Variants in THRAP3 observed in about 807,000 individuals in gnomAD.
THRAP3 encodes thyroid hormone receptor associated protein 3.
Under a neutral mutation model 101.0 loss-of-function variants are expected in THRAP3, and 16 were observed. That is an observed-to-expected ratio of 0.16 (90% CI 0.11 to 0.24). The LOEUF is 0.24. Ranked by LOEUF, THRAP3 falls within the 10% of genes least tolerant of loss-of-function variation. The pLI is 1.00. For missense variants in THRAP3, 989 were observed against 1,202.7 expected (o/e 0.82, Z 2.63); for synonymous variants, 407 against 422.6 (o/e 0.96, Z 0.45).
Position 36,291,296 on chromosome 1 carries a change from CA to C in THRAP3, c.1746-72del, listed in dbSNP as rs1371449653. 2.8e-6 allele frequency: 4 copies of C among 1,441,970 alleles called. No individual in the cohort carries two copies. The African/African-American group carries it at 4.3e-5, about 15-fold the overall frequency. The allele number at this position is 1,441,970 out of a possible 1,614,324, so 89.3% of individuals were successfully genotyped here. ...GTTTATAGATAGATTTAAAACTCTT[CA>C]AAAAAGTATTTTTATGGTTTTAATG... is the stretch of plus-strand genomic sequence containing the variant. On this transcript the variant is annotated intron_variant, in intron 5 of 11. Coordinates refer to ENST00000354618, the MANE Select transcript of THRAP3 (RefSeq NM_005119.4).
Position 36,304,173 on chromosome 1 carries a change from C to T in THRAP3, c.*156C>T, listed in dbSNP as rs532088612. 480 of 1,188,626 alleles carry T rather than the reference C, an allele frequency of 4.0e-4. 7 individuals are homozygous for T. In the South Asian group the frequency reaches 8.5e-3, roughly 21 times the overall value. 73.6% of individuals were successfully genotyped at this position (1,188,626 alleles called of 1,614,324 possible). ...GTACTACCGCGAGAGGCATCCCTGG[C>T]GCTGTCTCCCACTGGACAGAGGAGG... On this transcript the variant is annotated 3_prime_UTR_variant, in exon 12 of 12. Transcript: ENST00000354618.
intron 8 of THRAP3, among the ~76,000 whole-genome samples, chr1:36,294,705 G>A (rs914261437): frequency 5.3e-5 from 8 of 152,214 alleles, no homozygotes; most frequent in South Asian, 2.1e-4. Flanking sequence ...TCTCCCACCC[G>A]TCTTTCCTCC....
rs1645461267 is a variant in THRAP3, at chr1:36,262,706, T to A, written c.-32+3222T>A. Among the ~76,000 whole-genome samples the A allele has an allele frequency of 2.0e-5, 3 of 152,156 alleles. No homozygotes were observed. In the South Asian group the frequency reaches 6.2e-4, roughly 31 times the overall value. The stretch of plus-strand genomic sequence containing the variant: ...TGATGGATGGATATTTTTTTAAAGT[T>A]CTGTAGGTGATTACAGTATTTATCA... On this transcript the variant is annotated intron_variant, in intron 2 of 11. Transcript: ENST00000354618.
intron 1 of THRAP3, among the ~76,000 whole-genome samples, chr1:36,250,276 C>T (rs931155183): frequency 6.7e-6 from 1 of 150,200 alleles, no homozygotes; most frequent in Non-Finnish European, 1.5e-5. Flanking sequence ...GGCAGTGGCG[C>T]GATCTCAGCT....
Position 36,304,243 on chromosome 1 carries a change from A to G in THRAP3, c.*226A>G. 4.1e-6 allele frequency: 2 copies of G among 483,560 alleles called. No homozygotes were observed. The allele number at this position is 483,560 out of a possible 1,614,324, so 30.0% of individuals were successfully genotyped here. ...GTCAGGCCCAGCTTTTGAGCAGAATACAACGCATTGGGCTTTAGCTGTTTT... is the reference window on the plus strand; with the variant it reads ...GTCAGGCCCAGCTTTTGAGCAGAATGCAACGCATTGGGCTTTAGCTGTTTT... On this transcript the variant is annotated 3_prime_UTR_variant, in exon 12 of 12. Transcript: ENST00000354618.
chr1:36,240,146 T>C (rs1645138286), intron 1 of THRAP3, among the ~76,000 whole-genome samples: 1 of 152,024 alleles, frequency 6.6e-6, no homozygotes, highest in Non-Finnish European at 1.5e-5. Context: ...TAAATAAAAG[T>C]GAGTTTATTA....
chr1:36,237,955 G>A (rs920972941), intron 1 of THRAP3, among the ~76,000 whole-genome samples: 1 of 152,112 alleles, frequency 6.6e-6, no homozygotes, highest in African/African-American at 2.4e-5. Flanking sequence ...CTGAGTAACT[G>A]GGACTGCAGG....
At chr1:36,287,357 A>G in intron 4 of THRAP3, 87 bp downstream of exon 4, 1 of 1,437,654 alleles carries the variant, frequency 7.0e-7, no homozygotes, top group South Asian at 1.5e-5. Context: ...TAGAGCTCTG[A>G]TTAATGGTAA....
At chr1:36,264,945 A>G (rs1406827328) in intron 2 of THRAP3, among the ~76,000 whole-genome samples, 2 of 152,184 alleles carry the variant, frequency 1.3e-5, no homozygotes, top group African/African-American at 4.8e-5. Context: ...GAGCCATGAC[A>G]GAAGGATCTG....
At chr1:36,284,361 G>A (rs947749017) in intron 3 of THRAP3, among the ~76,000 whole-genome samples, 1 of 152,174 alleles carries the variant, frequency 6.6e-6, no homozygotes, top group African/African-American at 2.4e-5. Flanking sequence ...CTTTTCTGGA[G>A]GAATTTCTCC....
chr1:36,219,941 C>T (rs377395790), upstream of THRAP3, among the ~76,000 whole-genome samples: 3 of 152,134 alleles, frequency 2.0e-5, no homozygotes, highest in Non-Finnish European at 4.4e-5. Flanking sequence ...TTAAGAATTA[C>T]GCTAAATCTA....
chr1:36,237,156 C>G (rs937855750), intron 1 of THRAP3, among the ~76,000 whole-genome samples: 21 of 150,930 alleles, frequency 1.4e-4, no homozygotes, highest in Non-Finnish European at 2.9e-5. Context: ...GAGTGAAACT[C>G]CATCTCAAAA....
At chr1:36,268,461 T>C (rs1163311115) in intron 2 of THRAP3, among the ~76,000 whole-genome samples, 1 of 152,188 alleles carries the variant, frequency 6.6e-6, no homozygotes, top group East Asian at 1.9e-4. Flanking sequence ...CATTCCTTAA[T>C]TGCTGTACTT....
At chr1:36,228,790 C>G (rs1432650276) in intron 1 of THRAP3, among the ~76,000 whole-genome samples, 1 of 152,026 alleles carries the variant, frequency 6.6e-6, no homozygotes, top group East Asian at 1.9e-4. Flanking sequence ...GTTAGAGTTT[C>G]AAAAAAGTTA....
At chr1:36,220,425 C>T (rs1487773416), upstream of THRAP3, among the ~76,000 whole-genome samples, 1 of 152,150 alleles carries the variant, frequency 6.6e-6, no homozygotes, top group African/African-American at 2.4e-5. Context: ...CCCATAATCC[C>T]AGCACTTTGG....
At chr1:36,278,932 AT>A (rs1296327812) in intron 2 of THRAP3, among the ~76,000 whole-genome samples, 81 of 152,094 alleles carry the variant, frequency 5.3e-4, no homozygotes, top group African/African-American at 1.9e-3. Context: ...TCAAAAAAAA[AT>A]AAATAAATAA....
At chr1:36,224,599 C>T (rs896663362) in intron 1 of THRAP3, 94 bp downstream of exon 1, 25 of 152,596 alleles carry the variant, frequency 1.6e-4, no homozygotes, top group African/African-American at 5.8e-4. Context: ...GTCAGGGGCT[C>T]GGGGAAGGCC....
chr1:36,284,656 T>G (rs1415102693), intron 3 of THRAP3, among the ~76,000 whole-genome samples: 3 of 152,252 alleles, frequency 2.0e-5, no homozygotes, highest in African/African-American at 7.2e-5. Context: ...TAACTTCATT[T>G]GCAATCTGCA....
chr1:36,253,310 A>G (rs541336946), intron 1 of THRAP3, among the ~76,000 whole-genome samples: 3 of 152,262 alleles, frequency 2.0e-5, no homozygotes, highest in East Asian at 3.9e-4. Context: ...TTCCAATTGA[A>G]GATTAGATGG....
Sources: gnomAD v4.1 joint callset for allele counts (sites outside exome capture counted in the v4.1 genomes callset) on GRCh38, gnomAD v4.1.1 for gene constraint, MANE v1.5 for transcripts, NCBI Gene and HGNC (gene_info 2026-07-23, HGNC 2026-07-21) for gene names.